The following NSL1 variants were observed in gnomAD, a reference collection of about 807,000 sequenced individuals.
The protein encoded by NSL1 is NSL1 component of MIS12 kinetochore complex, also known as kinetochore-associated protein NSL1 homolog.
A neutral mutation model predicts 25.4 loss-of-function variants in NSL1; 11 were observed. The observed-to-expected ratio is 0.43, with a 90% CI of 0.27 to 0.72. NSL1 has a LOEUF of 0.72. Among genes scored for constraint, NSL1 ranks in the 30% least tolerant of loss-of-function variants. The probability of loss-of-function intolerance (pLI) is 0.19; values close to 1 mark genes in which losing one functional copy is unlikely to be tolerated. For missense variants in NSL1, 330 were observed against 342.7 expected (o/e 0.96, Z 0.29); for synonymous variants, 118 against 120.6 (o/e 0.98, Z 0.14).
intron 4 of NSL1, among the ~76,000 whole-genome samples, chr1:212,775,859 A>G (rs367824302): frequency 2.0e-5 from 3 of 151,794 alleles, no homozygotes; most frequent in East Asian, 3.9e-4. Flanking sequence ...ACGGAGTCTC[A>G]CTCTGTCGCC....
intron 4 of NSL1, among the ~76,000 whole-genome samples, chr1:212,771,861 A>G (rs965550160): frequency 6.6e-6 from 1 of 152,206 alleles, no homozygotes; most frequent in South Asian, 2.1e-4. Context: ...AATTGAAGAG[A>G]ATATGATATA....
At chr1:212,778,582 G>A (rs1044316177) in intron 4 of NSL1, among the ~76,000 whole-genome samples, 3 of 152,088 alleles carry the variant, frequency 2.0e-5, no homozygotes, top group Non-Finnish European at 4.4e-5. Context: ...TATTTTTTTG[G>A]TGGAGACGGG....
intron 4 of NSL1, among the ~76,000 whole-genome samples, chr1:212,754,432 A>AC (rs1409162585): frequency 2.0e-5 from 3 of 152,018 alleles, no homozygotes; most frequent in African/African-American, 7.2e-5. Flanking sequence ...ACTGTTTGAA[A>AC]CCGAGGGCTG....
At chr1:212,765,638 T>A (rs553282506) in intron 4 of NSL1, among the ~76,000 whole-genome samples, 1 of 151,604 alleles carries the variant, frequency 6.6e-6, no homozygotes, top group African/African-American at 2.4e-5. Context: ...CTGGTCAATA[T>A]GGTGAAACCC....
chr1:212,735,599 C>A lies in NSL1; in HGVS notation c.*2809G>T, dbSNP rs1658203115. ...TCCCCCTAAAATCTGTATGATGAAG[C>A]CTTAACTCCCATGTGCCTATAGCTG... On this transcript the variant is annotated 3_prime_UTR_variant, in exon 6 of 6. Coordinates refer to ENST00000366977, the MANE Select transcript of NSL1 (RefSeq NM_015471.4). The A allele has an allele frequency of 4.5e-6, 4 of 897,936 alleles. No homozygotes were observed. The South Asian group carries it at 1.5e-4, about 35-fold the overall frequency. The allele number at this position is 897,936 out of a possible 1,614,324, so 55.6% of individuals were successfully genotyped here. A position where few individuals can be genotyped will look rare whatever the true frequency, so the allele number is the denominator to read the frequency against.
At chr1:212,752,816 G>A (rs766030092) in intron 4 of NSL1, among the ~76,000 whole-genome samples, 13 of 151,320 alleles carry the variant, frequency 8.6e-5, no homozygotes, top group Non-Finnish European at 1.6e-4. Flanking sequence ...ACCTAGTTTT[G>A]CTTTCAGGTC....
chr1:212,731,395 C>T lies in NSL1; in HGVS notation c.*7013G>A, dbSNP rs34799814. 51,340 of 984,344 alleles carry T rather than the reference C, an allele frequency of 0.052. 1,496 individuals are homozygous for T. Among genetic ancestry groups the T allele is most frequent in the Non-Finnish European group, 0.058 (47,920 of 829,042 alleles). The allele number at this position is 984,344 out of a possible 1,614,324, so 61.0% of individuals were successfully genotyped here. ...ATATGGCGAGACCCCATCTCTAAAA[C>T]AAATAAACTAGCCGGGCATGGTGGC... On this transcript the variant is annotated 3_prime_UTR_variant, in exon 6 of 6. Coordinates refer to ENST00000366977, the MANE Select transcript of NSL1 (RefSeq NM_015471.4).
intron 4 of NSL1, among the ~76,000 whole-genome samples, chr1:212,748,887 C>G (rs1320775460): frequency 6.6e-6 from 1 of 151,974 alleles, no homozygotes; most frequent in African/African-American, 2.4e-5. Flanking sequence ...AGCAGTGGCC[C>G]CAATTGTGAA....
intron 4 of NSL1, 121 bp downstream of exon 4, chr1:212,782,251 T>C: frequency 1.3e-6 from 1 of 751,204 alleles, no homozygotes; most frequent in Middle Eastern, 2.4e-4. Flanking sequence ...GAATGACTGG[T>C]AGGAAGTTAA....
intron 4 of NSL1, among the ~76,000 whole-genome samples, chr1:212,773,608 C>T (rs1192888347): frequency 6.6e-6 from 1 of 151,928 alleles, no homozygotes; most frequent in Non-Finnish European, 1.5e-5. Flanking sequence ...AGTATAGCTA[C>T]AATGGAAAAC....
At chr1:212,751,954 A>T (rs148594680) in intron 4 of NSL1, among the ~76,000 whole-genome samples, 18 of 152,354 alleles carry the variant, frequency 1.2e-4, no homozygotes, top group African/African-American at 4.1e-4. Context: ...ACTGTCTCAC[A>T]TGCAGATGGC....
At chr1:212,740,739 C>G (rs1234767399) in intron 4 of NSL1, among the ~76,000 whole-genome samples, 6 of 152,060 alleles carry the variant, frequency 3.9e-5, no homozygotes, top group African/African-American at 1.4e-4. Flanking sequence ...ATTTTAATCA[C>G]TATACATTAG....
rs1025417620 is a variant in NSL1 at position 212,729,119 on chromosome 1, T to C, written c.*9289A>G. 5.8e-5 allele frequency: 57 copies of C among 985,322 alleles called. No homozygotes were observed. The highest frequency in any genetic ancestry group is 6.7e-5 in the Non-Finnish European group (56 of 829,940). The allele number at this position is 985,322 out of a possible 1,614,324, so 61.0% of individuals were successfully genotyped here. ...TTGCCAGTCAATTACAGGAATATAT[T>C]AGTGTTCCATCGTAGTTTCTAAAAC... On this transcript the variant is annotated 3_prime_UTR_variant, in exon 6 of 6. Transcript: ENST00000366977.
intron 4 of NSL1, among the ~76,000 whole-genome samples, chr1:212,765,937 C>A (rs188808789): frequency 1.6e-4 from 24 of 152,108 alleles, no homozygotes; most frequent in African/African-American, 5.1e-4. Flanking sequence ...GAGATTGAGA[C>A]CATCCTGGCC....
intron 2 of NSL1, among the ~76,000 whole-genome samples, chr1:212,785,447 C>T (rs759093058): frequency 2.6e-5 from 4 of 151,872 alleles, no homozygotes; most frequent in African/African-American, 9.7e-5. Flanking sequence ...CCCATTAACT[C>T]GTCATTTACA....
intron 4 of NSL1, 119 bp from the exon 5 acceptor site, chr1:212,739,720 AT>A (rs1658415147): frequency 1.2e-6 from 1 of 828,722 alleles, no homozygotes; most frequent in Admixed American, 2.6e-5. Flanking sequence ...TGCTAGGACG[AT>A]TCACCTCAGC....
Position 212,732,118 on chromosome 1 carries a change from C to A in NSL1, c.*6290G>T. ...TGTTCACTGGAGAACTAATTTGTAA[C>A]CATGATTACATTTCTTTTTTTGTAC... is the stretch of plus-strand genomic sequence containing the variant. On this transcript the variant is annotated 3_prime_UTR_variant, in exon 6 of 6. Transcript: ENST00000366977. 1.0e-6 allele frequency: 1 copy of A among 982,820 alleles called. No individual in the cohort carries two copies. The highest frequency in any genetic ancestry group is 1.2e-6 in the Non-Finnish European group (1 of 828,384). 60.9% of individuals were successfully genotyped at this position (982,820 alleles called of 1,614,324 possible). A position where few individuals can be genotyped will look rare whatever the true frequency, so the allele number is the denominator to read the frequency against.
At chr1:212,747,452 C>A (rs6540761) in intron 4 of NSL1, among the ~76,000 whole-genome samples, 61,207 of 152,070 alleles carry the variant, frequency 0.4, 13,967 homozygotes, top group Non-Finnish European at 0.51. Flanking sequence ...GTACTGCCAA[C>A]AACTATGTGA....
intron 4 of NSL1, among the ~76,000 whole-genome samples, chr1:212,761,827 T>A (rs1659578868): frequency 6.6e-6 from 1 of 151,992 alleles, no homozygotes; most frequent in African/African-American, 2.4e-5. Flanking sequence ...TGAAGAGTTC[T>A]ATGAATGAAA....
Sources: allele counts gnomAD v4.1 joint callset (sites outside exome capture counted in the v4.1 genomes callset), GRCh38; gene constraint gnomAD v4.1.1; transcripts MANE v1.5; gene names NCBI Gene and HGNC (gene_info 2026-07-23, HGNC 2026-07-21).